MID1: variants seen among roughly 807,000 people sequenced by gnomAD.
MID1 encodes midline 1, also known as E3 ubiquitin-protein ligase Midline-1.
A neutral mutation model predicts 40.4 loss-of-function variants in MID1; 7 were observed. The observed-to-expected ratio is 0.17, with a 90% CI of 0.10 to 0.33. The LOEUF (loss-of-function observed/expected upper bound fraction) is 0.33. Among genes scored for constraint, MID1 ranks in the 10% least tolerant of loss-of-function variants. MID1 has a pLI of 1.00. For synonymous variants in MID1, 229 were observed against 221.2 expected, an observed-to-expected ratio of 1.04 and a Z score of -0.31; for missense variants, 367 against 558.5, an observed-to-expected ratio of 0.66 and a Z score of 3.46.
chrX:10,745,486 C>A (rs2043551306), intron 1 of MID1, among the ~76,000 whole-genome samples: 1 of 112,296 alleles, frequency 8.9e-6, no homozygotes, highest in South Asian at 3.7e-4. Context: ...AAGTAAGTTG[C>A]TTCAATTGCC....
intron 1 of MID1, among the ~76,000 whole-genome samples, chrX:10,725,996 A>G (rs773648758): frequency 1.2e-4 from 13 of 112,539 alleles, no homozygotes; most frequent in Non-Finnish European, 2.4e-4. Context: ...ATATTTCTTG[A>G]CCTAAGCCTC....
chrX:10,712,150 G>T, intron 1 of MID1, among the ~76,000 whole-genome samples: 1 of 111,618 alleles, frequency 9.0e-6, no homozygotes, highest in Non-Finnish European at 1.9e-5. Context: ...GGGAAGGAGA[G>T]GGTCCCCTTT....
chrX:10,689,665 C>T (rs1026809484), intron 1 of MID1, among the ~76,000 whole-genome samples: 1 of 110,094 alleles, frequency 9.1e-6, no homozygotes, highest in African/African-American at 3.3e-5. Context: ...GTATTCTAGT[C>T]TTGTGATATC....
intron 6 of MID1, among the ~76,000 whole-genome samples, chrX:10,473,894 TTTG>T (rs1187434953): frequency 8.9e-6 from 1 of 112,298 alleles, no homozygotes; most frequent in Non-Finnish European, 1.9e-5. Flanking sequence ...GCCTGAGGTT[TTTG>T]TTGTTTTGTT....
chrX:10,606,323 T>C (rs904630416), intron 1 of MID1, among the ~76,000 whole-genome samples: 2 of 111,184 alleles, frequency 1.8e-5, no homozygotes, highest in African/African-American at 6.5e-5. Flanking sequence ...AAATACAAAA[T>C]ATATTATTTA....
intron 2 of MID1, among the ~76,000 whole-genome samples, chrX:10,538,295 C>T (rs760300144): frequency 2.4e-4 from 27 of 111,743 alleles, no homozygotes; most frequent in African/African-American, 8.4e-4. Context: ...AAAGATATTA[C>T]TATGCTCTTC....
chrX:10,508,571 G>A (rs1159311132), intron 3 of MID1, among the ~76,000 whole-genome samples: 1 of 111,735 alleles, frequency 8.9e-6, no homozygotes, highest in Non-Finnish European at 1.9e-5. Flanking sequence ...AGTAGCTGAG[G>A]AAGGTTTCAT....
intron 1 of MID1, among the ~76,000 whole-genome samples, chrX:10,727,531 G>A (rs58632121): frequency 0.013 from 1,457 of 112,180 alleles, 23 homozygotes; most frequent in African/African-American, 0.045. Context: ...CTAAATTAGA[G>A]GGAACTTCGC....
At chrX:10,474,541 T>A in intron 6 of MID1, 82 bp downstream of exon 6, 2 of 1,016,003 alleles carry the variant, frequency 2.0e-6, no homozygotes, top group Non-Finnish European at 2.8e-6. Context: ...TTCCTCTGGT[T>A]ATTGGGGAAT....
chrX:10,559,742 T>C (rs1035325855), intron 2 of MID1, among the ~76,000 whole-genome samples: 8 of 111,742 alleles, frequency 7.2e-5, no homozygotes, highest in Non-Finnish European at 1.3e-4. Flanking sequence ...AGAGAAAGTA[T>C]TTAGTAGCTG....
intron 1 of MID1, among the ~76,000 whole-genome samples, chrX:10,819,229 G>C (rs1481996393): frequency 9.0e-6 from 1 of 111,114 alleles, no homozygotes; most frequent in Non-Finnish European, 1.9e-5. Context: ...CAGTGAGAGA[G>C]AGAGAGAGAG....
intron 2 of MID1, among the ~76,000 whole-genome samples, chrX:10,551,766 C>T (rs1451385343): frequency 4.5e-5 from 5 of 110,869 alleles, no homozygotes; most frequent in South Asian, 3.8e-4. Flanking sequence ...AGACTTATGC[C>T]CAAAGTAGGT....
intron 7 of MID1, among the ~76,000 whole-genome samples, chrX:10,461,845 CA>C (rs1180999295): frequency 7.2e-5 from 8 of 111,504 alleles, no homozygotes; most frequent in African/African-American, 9.8e-5. Context: ...GAATATGTTA[CA>C]AAAAAATGAC....
intron 7 of MID1, among the ~76,000 whole-genome samples, chrX:10,461,907 C>G (rs931840150): frequency 6.3e-5 from 7 of 111,913 alleles, no homozygotes; most frequent in African/African-American, 2.3e-4. Context: ...AACTTTACAT[C>G]ACTGTACAAC....
chrX:10,567,105 G>A lies in MID1; in HGVS notation c.443C>T (p.Ala148Val). The A allele has an allele frequency of 8.3e-7, 1 of 1,211,282 alleles. No homozygotes were observed. Among genetic ancestry groups the A allele is most frequent in the Non-Finnish European group, 1.1e-6 (1 of 895,133 alleles). ...EVSYCDECLK[A>V]THPNKKPFTG... ...AAAGGGCTTCTTATTCGGGTGAGTG[G>A]CTTTCAGGCACTCGTCACAGTAGGA... Residue 148 changes from alanine to valine, a missense_variant, in exon 2 of 10, where the codon GCC becomes GTC. Transcript: ENST00000317552.
In MID1 at chrX:10,567,377, G is replaced by A; in HGVS notation, c.171C>T (p.Pro57=). 1 of 1,202,051 alleles carries A rather than the reference G, an allele frequency of 8.3e-7. No homozygotes were observed. Among genetic ancestry groups the A allele is most frequent in the African/African-American group, 1.7e-5 (1 of 57,686 alleles). The change falls in exon 2 of 10, where the codon CCC becomes CCT. Residue 57 remains proline (P), a synonymous_variant. Coordinates refer to ENST00000317552, the MANE Select transcript of MID1 (RefSeq NM_000381.4). ...SVESITAFQC[P]TCRHVITLSQ... ...TGAGGGTGATGACATGCCGGCAGGT[G>A]GGGCACTGGAAGGCGGTGATGGACT...
chrX:10,826,171 T>C (rs1156288534), intron 1 of MID1, among the ~76,000 whole-genome samples: 1 of 111,236 alleles, frequency 9.0e-6, no homozygotes, highest in African/African-American at 3.3e-5. Flanking sequence ...TCCTTCTAGA[T>C]ATGTGAATCA....
chrX:10,577,648 GTATA>G (rs36060246), intron 1 of MID1, among the ~76,000 whole-genome samples: 2 of 104,460 alleles, frequency 1.9e-5, no homozygotes, highest in Admixed American at 1.0e-4. Flanking sequence ...CATCGTGTGT[GTATA>G]TATATATATA....
chrX:10,456,768 C>T (rs892261354), intron 8 of MID1, among the ~76,000 whole-genome samples: 1 of 111,489 alleles, frequency 9.0e-6, no homozygotes, highest in Non-Finnish European at 1.9e-5. Flanking sequence ...ACCCGGGAGG[C>T]GGAGGTTGCA....
Sources: allele counts gnomAD v4.1 joint callset (sites outside exome capture counted in the v4.1 genomes callset), GRCh38; gene constraint gnomAD v4.1.1; transcripts MANE v1.5; gene names NCBI Gene and HGNC (gene_info 2026-07-23, HGNC 2026-07-21).